Variants in MARS1 observed in about 807,000 individuals in gnomAD.
The protein encoded by MARS1 is methionyl-tRNA synthetase 1.
MARS1 carries 80 observed loss-of-function variants against 119.5 expected under a neutral mutation model. That is an observed-to-expected ratio of 0.67 (90% CI 0.56 to 0.81). MARS1 has a LOEUF of 0.81. Ranked by LOEUF, MARS1 falls within the 30% of genes least tolerant of loss-of-function variation. MARS1 has a pLI of 0.00. For missense variants in MARS1, 945 were observed against 1,116.5 expected (o/e 0.85, Z 2.19); for synonymous variants, 418 against 433.4 (o/e 0.96, Z 0.44).
intron 10 of MARS1, among the ~76,000 whole-genome samples, chr12:57,502,312 C>G (rs952406147): frequency 1.3e-4 from 19 of 151,944 alleles, no homozygotes; most frequent in African/African-American, 4.6e-4. Flanking sequence ...TGTTAGATAG[C>G]CAGGCAGAGA....
rs1185621450 is a variant in MARS1 at position 57,500,402 on chromosome 12, CTG to C, written c.1176_1177del (p.Ala393SerfsTer5). The C allele has an allele frequency of 6.2e-7, 1 of 1,614,238 alleles. No individual in the cohort carries two copies. The highest frequency in any genetic ancestry group is 2.2e-5 in the East Asian group (1 of 44,890). ...CTGTGGAGCAACTGCGATGTGAGCA[CTG>C]TGCTCGCTTCCTGGCTGACCGCTTC... ...DTVEQLRCEH[C>X]ARFLADRFVE... On this transcript the variant is annotated frameshift_variant, in exon 10 of 21. Transcript: ENST00000262027. LOFTEE classifies it high-confidence loss of function.
intron 11 of MARS1, among the ~76,000 whole-genome samples, chr12:57,508,833 A>G (rs1877374795): frequency 6.6e-6 from 1 of 152,280 alleles, no homozygotes; most frequent in Admixed American, 6.5e-5. Flanking sequence ...AAGTGCTGGG[A>G]TTACAGGTGT....
chr12:57,493,496 T>G (rs1213354975), intron 7 of MARS1, among the ~76,000 whole-genome samples: 1 of 564 alleles, frequency 1.8e-3, no homozygotes, highest in African/African-American at 3.2e-3. Flanking sequence ...TATAATATAT[T>G]ATAATATATA....
At position 57,488,130 on chromosome 12, in the gene MARS1, C is replaced by T. The variant is rs866404835; in HGVS notation, c.40C>T (p.Pro14Ser). 6.2e-7 allele frequency: 1 copy of T among 1,614,146 alleles called. No homozygotes were observed. The highest frequency in any genetic ancestry group is 8.5e-7 in the Non-Finnish European group (1 of 1,180,022). ...FVSDGVPGCL[P>S]VLAAAGRARG... is the part of the protein sequence containing the mutation. The stretch of plus-strand genomic sequence containing the variant: ...GAGTGATGGCGTCCCGGGTTGCTTG[C>T]CGGTGCTGGCCGCCGCCGGGAGAGC... The change falls in exon 1 of 21, where the codon CCG (proline) becomes TCG (serine). Residue 14 changes from proline to serine, a missense_variant. By Grantham distance (74) the Pro-to-Ser change is moderately conservative. Coordinates refer to ENST00000262027, the MANE Select transcript of MARS1 (RefSeq NM_004990.4).
rs181760541 is a variant in MARS1, at chr12:57,488,578, C to T, written c.109+379C>T. On this transcript the variant is annotated intron_variant, in intron 1 of 20. Transcript: ENST00000262027. ...TGTTCTTAGGAAATCCCTCTCTCCC[C>T]TCCTAACACACACACACGTTCCTTT... 6.6e-5 allele frequency: 102 copies of T among 1,550,966 alleles called. No homozygotes were observed. The African/African-American group carries it at 1.2e-3, about 18-fold the overall frequency.
In MARS1 at chr12:57,500,343, C is replaced by T; in HGVS notation, c.1114C>T (p.Gln372Ter). 6.2e-7 allele frequency: 1 copy of T among 1,614,166 alleles called. No individual in the cohort carries two copies. Among genetic ancestry groups the T allele is most frequent in the Non-Finnish European group, 8.5e-7 (1 of 1,180,014 alleles). The change falls in exon 10 of 21, where the codon CAG becomes TAG. Residue 372 changes from glutamine to a stop codon, truncating the protein, a stop_gained. Coordinates refer to ENST00000262027, the MANE Select transcript of MARS1 (RefSeq NM_004990.4). LOFTEE classifies it high-confidence loss of function. ...QTKITQDIFQ[Q>*]LLKRGFVLQD... ...CAGAATCACCCAGGACATTTTCCAG[C>T]AGTTGCTGAAACGAGGTTTTGTGCT...
chr12:57,500,391 C>T lies in MARS1; in HGVS notation c.1162C>T (p.Arg388Ter), dbSNP rs754698410. 4.3e-6 allele frequency: 7 copies of T among 1,614,162 alleles called. No individual in the cohort carries two copies. The highest frequency in any genetic ancestry group is 1.6e-4 in the Middle Eastern group (1 of 6,062). The change falls in exon 10 of 21, where the codon CGA becomes TGA. Residue 388 changes from arginine to a stop codon, truncating the protein, a stop_gained. Transcript: ENST00000262027. LOFTEE classifies it high-confidence loss of function. ...GCTGCAAGATACTGTGGAGCAACTG[C>T]GATGTGAGCACTGTGCTCGCTTCCT... The part of the protein sequence containing the change: ...FVLQDTVEQL[R>*]CEHCARFLAD...
chr12:57,499,993 T>C (rs1326770240), intron 9 of MARS1: 4 of 318,208 alleles, frequency 1.3e-5, no homozygotes, highest in African/African-American at 2.1e-5. Flanking sequence ...ACTGACTTAA[T>C]TTTTAGGATA....
In MARS1 at chr12:57,488,073, C is replaced by T. The variant is rs201535531; in HGVS notation, c.-18C>T. On this transcript the variant is annotated 5_prime_UTR_variant, in exon 1 of 21. Transcript: ENST00000262027. ...GGGAGGCCGGTTCCGGTTGCATCAG[C>T]GAGGGATTCACGGCGAAATGAGACT... 636 of 1,609,278 alleles carry T rather than the reference C, an allele frequency of 4.0e-4. 1 individual carries two copies. The highest frequency in any genetic ancestry group is 9.0e-4 in the Admixed American group (54 of 59,928).
Position 57,507,686 on chromosome 12 carries a change from GACGGC to G in MARS1, c.1368+3388_1368+3392del, listed in dbSNP as rs1877271170. Among the ~76,000 whole-genome samples the G allele has an allele frequency of 2.1e-4, 23 of 111,810 alleles. 2 individuals are homozygous for G. Among genetic ancestry groups the G allele is most frequent in the Non-Finnish European group, 4.1e-4 (20 of 49,018 alleles). 73.4% of individuals were successfully genotyped at this position (111,810 alleles called of 152,430 possible). A position where few individuals can be genotyped will look rare whatever the true frequency, so the allele number is the denominator to read the frequency against. ...GGCCCCCCACCTCCCTCCCGGACGG[GACGGC>G]TGGCCGGGCGGGGGTCTGGCCCCCC... On this transcript the variant is annotated intron_variant, in intron 11 of 20. Coordinates refer to ENST00000262027, the MANE Select transcript of MARS1 (RefSeq NM_004990.4).
At chr12:57,509,443 G>A (rs1432587367) in intron 11 of MARS1, among the ~76,000 whole-genome samples, 1 of 152,156 alleles carries the variant, frequency 6.6e-6, no homozygotes, top group East Asian at 1.9e-4. Flanking sequence ...GGGTCTTGCT[G>A]TCACCTAGGC....
intron 15 of MARS1, among the ~76,000 whole-genome samples, chr12:57,513,614 C>CA (rs34526594): frequency 0.25 from 18,683 of 74,100 alleles, 1,680 homozygotes; most frequent in Non-Finnish European, 0.29. Flanking sequence ...GATCCTGTCT[C>CA]AAAAAAAAAA....
At chr12:57,501,779 G>A (rs577127182) in intron 10 of MARS1, among the ~76,000 whole-genome samples, 19 of 151,074 alleles carry the variant, frequency 1.3e-4, no homozygotes, top group Admixed American at 7.9e-4. Flanking sequence ...CTGAGATTGC[G>A]CCACTGCATT....
At position 57,489,022 on chromosome 12, in the gene MARS1, G is replaced by T. The variant is rs1224872726; in HGVS notation, c.113G>T (p.Cys38Phe). 2 of 1,607,710 alleles carry T rather than the reference G, an allele frequency of 1.2e-6. No individual in the cohort carries two copies. Among genetic ancestry groups the T allele is most frequent in the East Asian group, 4.5e-5 (2 of 44,832 alleles). Residue 38 changes from cysteine (C) to phenylalanine (F), a missense_variant, in exon 2 of 21, where the codon TGT becomes TTT. Cys to Phe is a radical substitution (Grantham distance 205). Transcript: ENST00000262027. ...CCATTTTCCATTCTTGCATCAGATT[G>T]TGTGGTCCCGTTCCTGACCCGGCCT... ...VLISTVGPED[C>F]VVPFLTRPKV...
chr12:57,495,034 T>G (rs7134758), intron 7 of MARS1, among the ~76,000 whole-genome samples: 1 of 151,810 alleles, frequency 6.6e-6, no homozygotes, highest in Non-Finnish European at 1.5e-5. Context: ...ACCTCCCAGA[T>G]GGGGTGGCGG....
Position 57,489,020 on chromosome 12 carries a change from T to A in MARS1, c.111T>A (p.Asp37Glu). The A allele has an allele frequency of 6.2e-7, 1 of 1,609,712 alleles. No individual in the cohort carries two copies. The highest frequency in any genetic ancestry group is 2.2e-5 in the East Asian group (1 of 44,876). ...EVLISTVGPE[D>E]CVVPFLTRPK... is the part of the protein sequence containing the mutation. ...ACCCATTTTCCATTCTTGCATCAGA[T>A]TGTGTGGTCCCGTTCCTGACCCGGC... Residue 37 changes from aspartate (D) to glutamate (E), a missense_variant and splice_region_variant, in exon 2 of 21, where the codon GAT (aspartate) becomes GAA (glutamate). By Grantham distance (45) the Asp-to-Glu change is conservative. Coordinates refer to ENST00000262027, the MANE Select transcript of MARS1 (RefSeq NM_004990.4).
intron 7 of MARS1, among the ~76,000 whole-genome samples, chr12:57,491,785 A>C (rs1875974849): frequency 6.6e-6 from 1 of 152,156 alleles, no homozygotes; most frequent in African/African-American, 2.4e-5. Flanking sequence ...TTTTCCGTCA[A>C]AATGAAATTA....
At position 57,515,037 on chromosome 12, in the gene MARS1, T is replaced by C; in HGVS notation, c.2183T>C (p.Ile728Thr). ...CAGGTGAATGAGCCCTGGAAGCGGATTAAAGGCAGTGAGGCTGACAGGTAG... is the reference window on the plus strand; with the variant it reads ...CAGGTGAATGAGCCCTGGAAGCGGACTAAAGGCAGTGAGGCTGACAGGTAG... ...YIQVNEPWKRIKGSEADRQRA... is the reference protein window; with the variant it reads ...YIQVNEPWKRTKGSEADRQRA... Residue 728 changes from isoleucine to threonine, a missense_variant, in exon 17 of 21, where the codon ATT (isoleucine) becomes ACT (threonine). Physicochemically the swap from Ile to Thr is moderately conservative, Grantham distance 89. Coordinates refer to ENST00000262027, the MANE Select transcript of MARS1 (RefSeq NM_004990.4). 3.1e-6 allele frequency: 5 copies of C among 1,614,100 alleles called. No individual in the cohort carries two copies. The highest frequency in any genetic ancestry group is 4.2e-6 in the Non-Finnish European group (5 of 1,180,018).
chr12:57,514,727 A>G lies in MARS1; in HGVS notation c.1975A>G (p.Met659Val), dbSNP rs1269035902. ...NLGNFINRAG[M>V]FVSKFFGGYV... is the part of the protein sequence containing the mutation. ...TTCCTACTCCCAACCAAGAGCTGGG[A>G]TGTTTGTGTCTAAGTTCTTTGGGGG... Residue 659 changes from methionine (M) to valine (V), a missense_variant, in exon 16 of 21, where the codon ATG (methionine) becomes GTG (valine). Met to Val is a conservative substitution (Grantham distance 21, BLOSUM62 1). Transcript: ENST00000262027. The G allele has an allele frequency of 6.2e-7, 1 of 1,613,968 alleles. No individual in the cohort carries two copies. The highest frequency in any genetic ancestry group is 8.5e-7 in the Non-Finnish European group (1 of 1,179,992).
Sources: allele counts gnomAD v4.1 joint callset (sites outside exome capture counted in the v4.1 genomes callset), GRCh38; gene constraint gnomAD v4.1.1; transcripts MANE v1.5; gene names NCBI Gene and HGNC (gene_info 2026-07-23, HGNC 2026-07-21).